The following PTPRT variants were observed in gnomAD, a reference collection of about 807,000 sequenced individuals.
The protein encoded by PTPRT is receptor-type tyrosine-protein phosphatase T.
Under a neutral mutation model 176.8 loss-of-function variants are expected in PTPRT, and 56 were observed. The observed-to-expected ratio is 0.32, with a 90% CI of 0.26 to 0.40. PTPRT has a LOEUF of 0.40. PTPRT is among the 10% of genes least tolerant of loss of function. PTPRT has a pLI of 1.00. For missense variants in PTPRT, 1,540 were observed against 1,908.2 expected (o/e 0.81, Z 3.60); for synonymous variants, 783 against 739.0 (o/e 1.06, Z -0.96).
chr20:42,448,185 T>C, intron 9 of PTPRT, 35 bp downstream of exon 9: 1 of 1,503,738 alleles, frequency 6.7e-7, no homozygotes, highest in Non-Finnish European at 9.3e-7. Flanking sequence ...TGAATAAAGC[T>C]AAGCCAATGG....
At chr20:42,104,223 A>G (rs1255409592) in intron 25 of PTPRT, among the ~76,000 whole-genome samples, 1 of 152,140 alleles carries the variant, frequency 6.6e-6, no homozygotes, top group African/African-American at 2.4e-5. Flanking sequence ...AATCCCAGCA[A>G]TTTGGGAGAC....
chr20:42,707,397 G>T (rs961005934), intron 6 of PTPRT, among the ~76,000 whole-genome samples: 2 of 152,110 alleles, frequency 1.3e-5, no homozygotes, highest in Non-Finnish European at 2.9e-5. Context: ...CTCTAAGAAA[G>T]GGAGATTATT....
chr20:42,094,283 G>C (rs1984963443), intron 27 of PTPRT, among the ~76,000 whole-genome samples: 1 of 152,162 alleles, frequency 6.6e-6, no homozygotes, highest in Non-Finnish European at 1.5e-5. Context: ...CAAAAGCGTA[G>C]GGTGGTGATG....
chr20:42,576,143 G>A (rs2073256114), intron 7 of PTPRT, among the ~76,000 whole-genome samples: 1 of 152,144 alleles, frequency 6.6e-6, no homozygotes, highest in South Asian at 2.1e-4. Flanking sequence ...ATCTGCATGA[G>A]TTCTCCCTCC....
At chr20:42,331,611 A>C (rs1261721957) in intron 11 of PTPRT, among the ~76,000 whole-genome samples, 1 of 152,208 alleles carries the variant, frequency 6.6e-6, no homozygotes, top group East Asian at 1.9e-4. Context: ...TATTCTTCTT[A>C]TGGGAAGACG....
chr20:42,630,042 A>G (rs1461706312), intron 7 of PTPRT, among the ~76,000 whole-genome samples: 1 of 152,168 alleles, frequency 6.6e-6, no homozygotes, highest in Non-Finnish European at 1.5e-5. Context: ...TAAGCTAAAG[A>G]TCTTGAGATG....
chr20:43,140,443 AGTGTGTGTGTGTGTGTGTGTGTGT>A lies in PTPRT; in HGVS notation c.88+49179_88+49202del, dbSNP rs6147356. Among the ~76,000 whole-genome samples the A allele has an allele frequency of 3.6e-3, 525 of 146,918 alleles. 2 individuals are homozygous for A. The highest frequency in any genetic ancestry group is 0.014 in the Middle Eastern group (4 of 294). On this transcript the variant is annotated intron_variant, in intron 1 of 30. Transcript: ENST00000373187. ...GACAAGAGTTAGCAAACCTCTGGGT[AGTGTGTGTGTGTGTGTGTGTGTGT>A]GTGTGTGTGTGTGTGTGTGTGTGTG...
At chr20:42,254,511 A>C (rs1040013001) in intron 13 of PTPRT, among the ~76,000 whole-genome samples, 2 of 152,180 alleles carry the variant, frequency 1.3e-5, no homozygotes, top group Non-Finnish European at 2.9e-5. Context: ...GGAAGGGAAG[A>C]TTCAGATGAG....
intron 9 of PTPRT, among the ~76,000 whole-genome samples, chr20:42,411,873 G>T (rs2059022590): frequency 6.6e-6 from 1 of 151,372 alleles, no homozygotes; most frequent in Middle Eastern, 3.2e-3. Flanking sequence ...ATCAGAGAAA[G>T]AATAGTACTT....
At chr20:42,502,908 G>T (rs1229609362) in intron 7 of PTPRT, among the ~76,000 whole-genome samples, 2 of 152,086 alleles carry the variant, frequency 1.3e-5, no homozygotes, top group South Asian at 2.1e-4. Flanking sequence ...GTAGCAATTT[G>T]CATTCTCATG....
At chr20:42,596,438 C>T (rs529962641) in intron 7 of PTPRT, among the ~76,000 whole-genome samples, 9 of 152,296 alleles carry the variant, frequency 5.9e-5, no homozygotes, top group South Asian at 4.1e-4. Flanking sequence ...CACTTCCATA[C>T]GGAATACCAC....
intron 14 of PTPRT, among the ~76,000 whole-genome samples, chr20:42,248,275 G>A (rs1251223361): frequency 3.3e-5 from 5 of 152,148 alleles, no homozygotes; most frequent in African/African-American, 4.8e-5. Flanking sequence ...AGGGGCAAAC[G>A]GAGGTGAGAA....
chr20:42,992,729 G>A (rs1983989664), intron 1 of PTPRT, among the ~76,000 whole-genome samples: 1 of 152,174 alleles, frequency 6.6e-6, no homozygotes, highest in African/African-American at 2.4e-5. Flanking sequence ...TGGTCTCCAT[G>A]GATCAGGAAT....
intron 1 of PTPRT, among the ~76,000 whole-genome samples, chr20:43,054,843 A>G (rs1293687286): frequency 2.0e-5 from 3 of 152,174 alleles, no homozygotes; most frequent in Non-Finnish European, 4.4e-5. Flanking sequence ...GATTTTTCTA[A>G]AGACCCATCT....
intron 5 of PTPRT, among the ~76,000 whole-genome samples, chr20:42,759,019 G>A (rs2076877938): frequency 6.6e-6 from 1 of 152,148 alleles, no homozygotes; most frequent in Non-Finnish European, 1.5e-5. Context: ...AAGTAGTGCA[G>A]GGAGAAAGGC....
chr20:42,184,106 C>T lies in PTPRT; in HGVS notation c.2491+15134G>A, dbSNP rs770662414. 3.7e-4 allele frequency among the ~76,000 whole-genome samples: 56 copies of T among 152,278 alleles called. 1 individual carries two copies. Among genetic ancestry groups the T allele is most frequent in the Middle Eastern group, 6.8e-3 (2 of 294 alleles). The stretch of plus-strand genomic sequence containing the variant: ...CTGAGGTCCCAGACATGTTGTCCTA[C>T]AAGAGCTGTCACAGTCATCTCCAGC... On this transcript the variant is annotated intron_variant, in intron 16 of 30. Coordinates refer to ENST00000373187, the MANE Select transcript of PTPRT (RefSeq NM_007050.6).
At chr20:42,330,198 C>T (rs144294257) in intron 11 of PTPRT, among the ~76,000 whole-genome samples, 13 of 152,254 alleles carry the variant, frequency 8.5e-5, no homozygotes, top group East Asian at 3.9e-4. Context: ...TGGCTGGGAG[C>T]GGTGGCTCAT....
intron 1 of PTPRT, among the ~76,000 whole-genome samples, chr20:43,125,807 G>C (rs1468280105): frequency 6.6e-6 from 1 of 152,202 alleles, no homozygotes; most frequent in African/African-American, 2.4e-5. Flanking sequence ...TCTGGTAATT[G>C]ATTAGAGAGC....
intron 9 of PTPRT, among the ~76,000 whole-genome samples, chr20:42,376,591 A>G (rs2058650657): frequency 6.6e-6 from 1 of 152,142 alleles, no homozygotes; most frequent in Non-Finnish European, 1.5e-5. Context: ...CACCCTTTCC[A>G]TGGCCCCTTC....
Sources: gnomAD v4.1 joint callset for allele counts (sites outside exome capture counted in the v4.1 genomes callset) on GRCh38, gnomAD v4.1.1 for gene constraint, MANE v1.5 for transcripts, NCBI Gene and HGNC (gene_info 2026-07-23, HGNC 2026-07-21) for gene names.